KALRN: variants seen among roughly 807,000 people sequenced by gnomAD.
KALRN encodes the protein kalirin RhoGEF kinase, also known as kalirin.
KALRN carries 70 observed loss-of-function variants against 353.7 expected under a neutral mutation model. The observed-to-expected ratio is 0.20, with a 90% CI of 0.16 to 0.24. The LOEUF (loss-of-function observed/expected upper bound fraction) is 0.24, where lower values mean the gene tolerates loss of function less well. Ranked by LOEUF, KALRN falls within the 10% of genes least tolerant of loss-of-function variation. The pLI is 1.00. For missense variants in KALRN, 2,791 were observed against 3,756.7 expected, an observed-to-expected ratio of 0.74 and a Z score of 6.72; for synonymous variants, 1,391 against 1,434.8, an observed-to-expected ratio of 0.97 and a Z score of 0.69.
chr3:124,384,854 A>G lies in KALRN; in HGVS notation c.1780A>G (p.Thr594Ala). ...CTGTTGTTGCTGGCAGAATACGTAC[A>G]CCAATGCGGACAAGCTCCTAGAAGC... ...DFEEVAQNTY[T>A]NADKLLEAAE... Residue 594 changes from threonine (T) to alanine (A), a missense_variant, in exon 11 of 60, where the codon ACC becomes GCC. Thr to Ala is a moderately conservative substitution (Grantham distance 58). Around this residue, in one of 11 missense-constraint regions of KALRN, gnomAD observed 15 missense variants for 54.6 expected, o/e 0.27. Transcript: ENST00000682506. The G allele has an allele frequency of 6.3e-7, 1 of 1,599,484 alleles. No individual in the cohort carries two copies. Among genetic ancestry groups the G allele is most frequent in the East Asian group, 2.2e-5 (1 of 44,574 alleles).
chr3:124,476,558 A>T (rs192586090), intron 26 of KALRN, among the ~76,000 whole-genome samples: 1 of 152,284 alleles, frequency 6.6e-6, no homozygotes, highest in Admixed American at 6.5e-5. Flanking sequence ...CCAAATAAGA[A>T]AAGTATTTGG....
chr3:124,113,416 A>T (rs2063172387), intron 1 of KALRN, among the ~76,000 whole-genome samples: 1 of 152,192 alleles, frequency 6.6e-6, no homozygotes, highest in South Asian at 2.1e-4. Context: ...AGGCTTAGGA[A>T]GGCAGGTTTT....
intron 55 of KALRN, 78 bp from the exon 56 acceptor site, chr3:124,699,791 G>T: frequency 7.2e-7 from 1 of 1,387,068 alleles, no homozygotes. Flanking sequence ...CTATTTTCCT[G>T]TCTTTGTTTG....
intron 10 of KALRN, among the ~76,000 whole-genome samples, chr3:124,365,275 G>T (rs1576312485): frequency 6.6e-6 from 1 of 152,104 alleles, no homozygotes; most frequent in Non-Finnish European, 1.5e-5. Flanking sequence ...AAAAATGAAG[G>T]GGGGTACCTA....
chr3:124,368,801 T>C (rs2085390604), intron 10 of KALRN, among the ~76,000 whole-genome samples: 2 of 152,092 alleles, frequency 1.3e-5, no homozygotes, highest in African/African-American at 4.8e-5. Context: ...AGACTCCGTC[T>C]GCAATCCCGG....
At chr3:124,671,568 C>T (rs989084279) in intron 47 of KALRN, 92 bp from the exon 48 acceptor site, 24 of 809,278 alleles carry the variant, frequency 3.0e-5, no homozygotes, top group African/African-American at 6.9e-5. Context: ...CTTATCCACA[C>T]GATGCCTAAC....
At chr3:124,262,549 C>G (rs1443182087) in intron 3 of KALRN, among the ~76,000 whole-genome samples, 5 of 152,206 alleles carry the variant, frequency 3.3e-5, no homozygotes, top group African/African-American at 1.2e-4. Flanking sequence ...CAACTCCTTT[C>G]CTTTGGGATG....
At chr3:124,684,552 T>G (rs1292763792) in intron 51 of KALRN, among the ~76,000 whole-genome samples, 1 of 152,188 alleles carries the variant, frequency 6.6e-6, no homozygotes, top group African/African-American at 2.4e-5. Context: ...CCAGTTAGCC[T>G]TTCTGAGCCC....
rs902889114 is a variant in KALRN at position 124,455,272 on chromosome 3, C to T, written c.3648C>T (p.Thr1216=). Residue 1216 remains threonine (T), a synonymous_variant, in exon 22 of 60, where the codon ACC becomes ACT. Coordinates refer to ENST00000682506, the MANE Select transcript of KALRN (RefSeq NM_001388419.1). Reference sequence around the variant, plus strand: ...CCACGGAGATAAGGAAATGGGTGACCACGGTGGACAAGCACTACAGAGATT... The same window carrying T: ...CCACGGAGATAAGGAAATGGGTGACTACGGTGGACAAGCACTACAGAGATT... ...IHATEIRKWV[T]TVDKHYRDFS... 1.9e-6 allele frequency: 3 copies of T among 1,613,940 alleles called. No individual in the cohort carries two copies. Among genetic ancestry groups the T allele is most frequent in the Non-Finnish European group, 2.5e-6 (3 of 1,179,994 alleles).
At position 124,616,741 on chromosome 3, in the gene KALRN, G is replaced by A. The variant is rs140476930; in HGVS notation, c.5183-15679G>A. On this transcript the variant is annotated intron_variant, in intron 34 of 59. Transcript: ENST00000682506. The stretch of plus-strand genomic sequence containing the variant: ...AGCACTTTGGGAGTCCGAGGTGGGC[G>A]GATCATGAGGTCAGGAGATCGAGAC... 3.7e-3 allele frequency among the ~76,000 whole-genome samples: 570 copies of A among 152,194 alleles called. 3 individuals are homozygous for A. Among genetic ancestry groups the A allele is most frequent in the African/African-American group, 0.013 (527 of 41,538 alleles).
chr3:124,534,136 A>C (rs2068307901), intron 33 of KALRN, among the ~76,000 whole-genome samples: 1 of 152,228 alleles, frequency 6.6e-6, no homozygotes, highest in Non-Finnish European at 1.5e-5. Flanking sequence ...AAATACTGTC[A>C]CACCCAAGAG....
At chr3:124,283,186 G>T (rs2075520352) in intron 5 of KALRN, among the ~76,000 whole-genome samples, 1 of 152,210 alleles carries the variant, frequency 6.6e-6, no homozygotes, top group Non-Finnish European at 1.5e-5. Context: ...ACATCCAACA[G>T]ACACTCCATT....
At chr3:124,039,703 G>A (rs2039771202) in intron 1 of KALRN, among the ~76,000 whole-genome samples, 1 of 152,146 alleles carries the variant, frequency 6.6e-6, no homozygotes, top group African/African-American at 2.4e-5. Context: ...CGCCCAGTCT[G>A]TACATTGCCA....
At chr3:124,392,866 C>T (rs1180106452) in intron 11 of KALRN, among the ~76,000 whole-genome samples, 1 of 151,598 alleles carries the variant, frequency 6.6e-6, no homozygotes, top group Non-Finnish European at 1.5e-5. Context: ...ATACATGTGC[C>T]ATGCTGGTGC....
At chr3:124,219,815 A>C (rs1274843519) in intron 1 of KALRN, among the ~76,000 whole-genome samples, 2 of 151,618 alleles carry the variant, frequency 1.3e-5, no homozygotes, top group African/African-American at 4.9e-5. Context: ...GGGGAGAGGC[A>C]TGTGGGTCTC....
At chr3:124,125,389 T>C (rs1305708741) in intron 1 of KALRN, among the ~76,000 whole-genome samples, 3 of 152,196 alleles carry the variant, frequency 2.0e-5, no homozygotes, top group African/African-American at 7.2e-5. Flanking sequence ...ATGAAATGAC[T>C]CAAAGATACT....
chr3:124,210,633 GA>G (rs1317938914), intron 1 of KALRN, among the ~76,000 whole-genome samples: 1 of 152,032 alleles, frequency 6.6e-6, no homozygotes. Flanking sequence ...GGAGAAAGAA[GA>G]AAAAAACACA....
chr3:124,462,730 A>G, intron 25 of KALRN, 97 bp downstream of exon 25: 2 of 675,272 alleles, frequency 3.0e-6, no homozygotes, highest in Non-Finnish European at 2.6e-6. Flanking sequence ...GGTGAATCTT[A>G]TCTGGTCAGT....
chr3:124,698,999 A>G (rs1444531621), intron 55 of KALRN, among the ~76,000 whole-genome samples: 2 of 152,216 alleles, frequency 1.3e-5, no homozygotes, highest in Non-Finnish European at 2.9e-5. Flanking sequence ...TACACAATTG[A>G]ACTGAAAGCA....
Sources: allele counts gnomAD v4.1 joint callset (sites outside exome capture counted in the v4.1 genomes callset), GRCh38; gene constraint gnomAD v4.1.1; regional missense constraint gnomAD v4.1.1; transcripts MANE v1.5; gene names NCBI Gene and HGNC (gene_info 2026-07-23, HGNC 2026-07-21).